ST6GALNAC3: variants seen among roughly 807,000 people sequenced by gnomAD.
ST6GALNAC3 encodes the protein ST6 N-acetylgalactosaminide alpha-2,6-sialyltransferase 3.
Under a neutral mutation model 32.7 loss-of-function variants are expected in ST6GALNAC3, and 25 were observed. The ratio of observed to expected loss-of-function variants is 0.76; its 90% CI spans 0.56 to 1.07. The LOEUF (loss-of-function observed/expected upper bound fraction) is 1.07, where lower values mean the gene tolerates loss of function less well. Ranked by LOEUF, ST6GALNAC3 falls within the 50% of genes least tolerant of loss-of-function variation. The probability of loss-of-function intolerance (pLI) is 0.00; values close to 1 mark genes in which losing one functional copy is unlikely to be tolerated. For synonymous variants in ST6GALNAC3, 129 were observed against 133.1 expected, an observed-to-expected ratio of 0.97 and a Z score of 0.21; for missense variants, 355 against 382.4, an observed-to-expected ratio of 0.93 and a Z score of 0.60.
At chr1:76,404,098 A>G (rs1056375698) in intron 2 of ST6GALNAC3, among the ~76,000 whole-genome samples, 2 of 152,044 alleles carry the variant, frequency 1.3e-5, no homozygotes, top group African/African-American at 2.4e-5. Context: ...TCATGACATT[A>G]ACATTTTTAT....
rs952230268 is a variant in ST6GALNAC3, at chr1:76,263,190, A to C, written c.19-50615A>C. 3.9e-5 allele frequency among the ~76,000 whole-genome samples: 6 copies of C among 152,174 alleles called. No individual in the cohort carries two copies. The South Asian group carries it at 1.2e-3, about 32-fold the overall frequency. ...CCTCTGCTACTGTTTAACTGTGTAAACTTGGGTGAATGATTTAATCTCTGT... is the reference window on the plus strand; with the variant it reads ...CCTCTGCTACTGTTTAACTGTGTAACCTTGGGTGAATGATTTAATCTCTGT... On this transcript the variant is annotated intron_variant, in intron 1 of 4. Transcript: ENST00000328299.
chr1:76,449,014 G>T (rs181117129), intron 3 of ST6GALNAC3, among the ~76,000 whole-genome samples: 2 of 152,048 alleles, frequency 1.3e-5, no homozygotes, highest in African/African-American at 4.8e-5. Flanking sequence ...GTAGAGACAG[G>T]GTTTCACTAT....
intron 3 of ST6GALNAC3, among the ~76,000 whole-genome samples, chr1:76,525,686 A>G (rs1662823337): frequency 6.7e-6 from 1 of 149,384 alleles, no homozygotes. Context: ...TTGACATTCC[A>G]CCTGAATATT....
chr1:76,551,716 G>A (rs778123261), intron 3 of ST6GALNAC3, among the ~76,000 whole-genome samples: 5 of 152,068 alleles, frequency 3.3e-5, no homozygotes, highest in South Asian at 4.1e-4. Context: ...TGAAATTTAC[G>A]ATACATTTTT....
At chr1:76,582,915 G>A (rs1229307149) in intron 3 of ST6GALNAC3, among the ~76,000 whole-genome samples, 1 of 152,088 alleles carries the variant, frequency 6.6e-6, no homozygotes, top group Non-Finnish European at 1.5e-5. Context: ...TTCTCTTAAA[G>A]TACTACTAAA....
chr1:76,316,836 A>G (rs1235925023), intron 2 of ST6GALNAC3, among the ~76,000 whole-genome samples: 4 of 152,132 alleles, frequency 2.6e-5, no homozygotes, highest in Non-Finnish European at 5.9e-5. Context: ...TTTATTTACC[A>G]TTTACCATGG....
intron 2 of ST6GALNAC3, among the ~76,000 whole-genome samples, chr1:76,383,228 TAAACAGCAA>T (rs1182631767): frequency 6.6e-6 from 1 of 152,126 alleles, no homozygotes; most frequent in East Asian, 1.9e-4. Context: ...AGGTAATTTG[TAAACAGCAA>T]ACCCACATTA....
intron 3 of ST6GALNAC3, among the ~76,000 whole-genome samples, chr1:76,451,653 C>T (rs143116190): frequency 3.3e-5 from 5 of 152,130 alleles, no homozygotes; most frequent in Admixed American, 6.5e-5. Flanking sequence ...AGGTATATTC[C>T]TAAGTTTATT....
At chr1:76,409,993 G>A (rs78400907) in intron 2 of ST6GALNAC3, among the ~76,000 whole-genome samples, 1,807 of 152,134 alleles carry the variant, frequency 0.012, 39 homozygotes, top group African/African-American at 0.041. Flanking sequence ...ACTCAACATG[G>A]TCCACATCAC....
At chr1:76,385,233 G>A (rs1652006086) in intron 2 of ST6GALNAC3, among the ~76,000 whole-genome samples, 2 of 152,072 alleles carry the variant, frequency 1.3e-5, no homozygotes, top group Admixed American at 6.6e-5. Flanking sequence ...TTCAAATTCT[G>A]TATCAGTCAT....
chr1:76,184,696 C>G (rs568445689), intron 1 of ST6GALNAC3, among the ~76,000 whole-genome samples: 18 of 152,260 alleles, frequency 1.2e-4, no homozygotes, highest in South Asian at 1.0e-3. Context: ...CCCATGGGAA[C>G]AGATGGAGTT....
chr1:76,413,148 C>G (rs1654383585), intron 3 of ST6GALNAC3: 1 of 189,968 alleles, frequency 5.3e-6, no homozygotes, highest in South Asian at 8.0e-5. Context: ...CTCCTATTTC[C>G]TCTGTTTGCT....
intron 1 of ST6GALNAC3, among the ~76,000 whole-genome samples, chr1:76,139,339 CAT>C (rs1302131770): frequency 1.3e-5 from 2 of 152,178 alleles, no homozygotes; most frequent in East Asian, 3.8e-4. Context: ...ATAGCACTCA[CAT>C]GCTCTTACAA....
intron 1 of ST6GALNAC3, among the ~76,000 whole-genome samples, chr1:76,205,918 A>C (rs1654797228): frequency 6.6e-6 from 1 of 152,234 alleles, no homozygotes; most frequent in Non-Finnish European, 1.5e-5. Context: ...AGTTGCCCTC[A>C]TGATTCTTAC....
intron 2 of ST6GALNAC3, among the ~76,000 whole-genome samples, chr1:76,341,689 C>G (rs1026098213): frequency 2.8e-5 from 4 of 142,734 alleles, no homozygotes; most frequent in African/African-American, 1.0e-4. Flanking sequence ...TTCCTTCTTT[C>G]TTTCTTTCTT....
At chr1:76,527,430 A>G (rs1217815619) in intron 3 of ST6GALNAC3, among the ~76,000 whole-genome samples, 3 of 152,126 alleles carry the variant, frequency 2.0e-5, no homozygotes, top group Non-Finnish European at 2.9e-5. Context: ...AATTGTGTCC[A>G]TGAAATAAGT....
intron 2 of ST6GALNAC3, among the ~76,000 whole-genome samples, chr1:76,338,534 T>C (rs1400346518): frequency 6.6e-6 from 1 of 152,248 alleles, no homozygotes; most frequent in African/African-American, 2.4e-5. Flanking sequence ...GTCTGCTTCC[T>C]CTATAGCAAT....
intron 1 of ST6GALNAC3, among the ~76,000 whole-genome samples, chr1:76,243,281 C>A (rs1023125453): frequency 6.6e-6 from 1 of 152,090 alleles, no homozygotes; most frequent in Non-Finnish European, 1.5e-5. Flanking sequence ...ATATCCTTCG[C>A]CCACTTTTTG....
intron 2 of ST6GALNAC3, among the ~76,000 whole-genome samples, chr1:76,337,797 C>G (rs1423915777): frequency 6.6e-6 from 1 of 152,102 alleles, no homozygotes; most frequent in Admixed American, 6.5e-5. Flanking sequence ...TTCCTAGGTA[C>G]TTTTGTAGCC....
Sources: gnomAD v4.1 joint callset for allele counts (sites outside exome capture counted in the v4.1 genomes callset) on GRCh38, gnomAD v4.1.1 for gene constraint, MANE v1.5 for transcripts, NCBI Gene and HGNC (gene_info 2026-07-23, HGNC 2026-07-21) for gene names.